The following SPINK8 variants were observed in gnomAD, a reference collection of about 807,000 sequenced individuals.
SPINK8 encodes serine protease inhibitor Kazal-type 8.
In SPINK8, 12 loss-of-function variants were observed where a neutral mutation model predicts 14.4. That is an observed-to-expected ratio of 0.83 (90% CI 0.53 to 1.35). SPINK8 has a LOEUF of 1.35. SPINK8 is among the 40% of genes most tolerant of loss of function. The pLI, the probability that SPINK8 is intolerant of heterozygous loss-of-function variation, is 0.00. For missense variants in SPINK8, 103 were observed against 117.0 expected, an observed-to-expected ratio of 0.88 and a Z score of 0.55; for synonymous variants, 32 against 37.6, an observed-to-expected ratio of 0.85 and a Z score of 0.55.
chr3:48,326,346 G>A (rs1256056217), intron 4 of SPINK8, among the ~76,000 whole-genome samples: 1 of 152,150 alleles, frequency 6.6e-6, no homozygotes, highest in Non-Finnish European at 1.5e-5. Context: ...GGTGGCTCAC[G>A]CCTGTAATCC....
chr3:48,319,730 G>A, intron 5 of SPINK8, 112 bp from the exon 6 acceptor site: 4 of 1,451,650 alleles, frequency 2.8e-6, no homozygotes, highest in South Asian at 2.7e-5. Context: ...CAGGAGTTCA[G>A]AGAAAAGGAT....
chr3:48,306,881 G>A lies in SPINK8; in HGVS notation c.*111C>T, dbSNP rs1174805854. On this transcript the variant is annotated 3_prime_UTR_variant, in exon 8 of 8. Transcript: ENST00000434006. ...TCATTTATTGAAGACATAAATCAAC[G>A]AGTTTGATCCAACCATTAGTAATTA... The A allele has an allele frequency of 9.3e-6, 10 of 1,078,024 alleles. No individual in the cohort carries two copies. The highest frequency in any genetic ancestry group is 3.2e-5 in the African/African-American group (2 of 63,182). 66.8% of individuals were successfully genotyped at this position (1,078,024 alleles called of 1,614,324 possible). A position where few individuals can be genotyped will look rare whatever the true frequency, so the allele number is the denominator to read the frequency against.
chr3:48,330,254 C>T (rs1428848945), intron 2 of SPINK8, among the ~76,000 whole-genome samples: 6 of 152,164 alleles, frequency 3.9e-5, no homozygotes, highest in African/African-American at 9.7e-5. Flanking sequence ...TACTGTGGCT[C>T]AAGCCTGTAA....
Position 48,321,071 on chromosome 3 carries a change from A to T in SPINK8, c.71T>A (p.Phe24Tyr). The change falls in exon 5 of 8, where the codon TTC (phenylalanine) becomes TAC (tyrosine). Residue 24 changes from phenylalanine to tyrosine, a missense_variant. Physicochemically the swap from Phe to Tyr is conservative, Grantham distance 22 (BLOSUM62 3). Transcript: ENST00000434006. ...TSMWMAFAID[F>Y]PLPMASERGQ... is the part of the protein sequence containing the mutation. ...TCTTTCAGAGGCCATAGGAAGGGGG[A>T]AGTCTGGAAGACAAAAGCACATACA... 3 of 1,579,958 alleles carry T rather than the reference A, an allele frequency of 1.9e-6. No individual in the cohort carries two copies. Among genetic ancestry groups the T allele is most frequent in the Non-Finnish European group, 2.6e-6 (3 of 1,161,510 alleles).
At chr3:48,332,763 C>T (rs2036282945) in intron 1 of SPINK8, among the ~76,000 whole-genome samples, 1 of 152,204 alleles carries the variant, frequency 6.6e-6, no homozygotes, top group African/African-American at 2.4e-5. Flanking sequence ...CTAGCAGTAA[C>T]ATTATGTCTC....
chr3:48,322,689 T>A (rs1473529591), intron 4 of SPINK8, among the ~76,000 whole-genome samples: 1 of 152,160 alleles, frequency 6.6e-6, no homozygotes, highest in East Asian at 1.9e-4. Context: ...ATAAATGGAG[T>A]CATGCAACGA....
chr3:48,316,848 T>C (rs879453361), intron 6 of SPINK8, among the ~76,000 whole-genome samples: 5 of 152,142 alleles, frequency 3.3e-5, no homozygotes, highest in Non-Finnish European at 7.3e-5. Context: ...CCCACCAAAC[T>C]ATTCTTCAGA....
intron 3 of SPINK8, among the ~76,000 whole-genome samples, chr3:48,328,940 C>T (rs2036181045): frequency 6.6e-6 from 1 of 152,196 alleles, no homozygotes. Flanking sequence ...AGTATATTTA[C>T]CAACAGCTTA....
At chr3:48,327,506 G>C (rs1194646240) in intron 4 of SPINK8, among the ~76,000 whole-genome samples, 4 of 152,190 alleles carry the variant, frequency 2.6e-5, no homozygotes, top group African/African-American at 9.7e-5. Flanking sequence ...ATGAGACTCA[G>C]CCAGAAGGGA....
chr3:48,311,614 TA>T (rs1268032917), intron 6 of SPINK8, among the ~76,000 whole-genome samples: 2 of 152,000 alleles, frequency 1.3e-5, no homozygotes, highest in African/African-American at 4.8e-5. Flanking sequence ...AATTTCAAAA[TA>T]AAATTAAGAA....
At chr3:48,326,575 C>T (rs1490859272) in intron 4 of SPINK8, among the ~76,000 whole-genome samples, 4 of 151,036 alleles carry the variant, frequency 2.6e-5, no homozygotes, top group Non-Finnish European at 1.5e-5. Context: ...CCACTGCACT[C>T]CATCCTGGGT....
intron 6 of SPINK8, among the ~76,000 whole-genome samples, chr3:48,318,353 C>G (rs567210131): frequency 4.0e-4 from 61 of 152,306 alleles, no homozygotes; most frequent in African/African-American, 1.4e-3. Context: ...ATTGGCCAGG[C>G]TGGTCTCGAA....
At chr3:48,319,443 G>A (rs1416186781) in intron 6 of SPINK8, 54 bp downstream of exon 6, 1 of 1,607,030 alleles carries the variant, frequency 6.2e-7, no homozygotes, top group East Asian at 2.2e-5. Context: ...ACCCTCTTTT[G>A]ACCACTCTTA....
intron 4 of SPINK8, among the ~76,000 whole-genome samples, chr3:48,327,510 G>T (rs1024726366): frequency 1.4e-4 from 22 of 152,212 alleles, no homozygotes; most frequent in Admixed American, 1.4e-3. Context: ...GACTCAGCCA[G>T]AAGGGAACAC....
intron 7 of SPINK8, among the ~76,000 whole-genome samples, chr3:48,308,293 C>T (rs972790872): frequency 6.6e-6 from 1 of 152,058 alleles, no homozygotes; most frequent in African/African-American, 2.4e-5. Context: ...TTCTTAATCT[C>T]TGCAAATCCT....
chr3:48,320,897 T>G, intron 5 of SPINK8, 128 bp downstream of exon 5: 2 of 860,222 alleles, frequency 2.3e-6, no homozygotes, highest in Non-Finnish European at 3.5e-6. Context: ...TGACTCAGCT[T>G]TTATTGTTCT....
Position 48,314,490 on chromosome 3 carries a change from C to G in SPINK8, c.240-4544G>C, listed in dbSNP as rs185099197. Among the ~76,000 whole-genome samples, 16 of 152,224 alleles carry G rather than the reference C, an allele frequency of 1.1e-4. No homozygotes were observed. In the East Asian group the frequency reaches 1.4e-3, roughly 13 times the overall value. ...TTCCATGGTAGTAATGAAAAACAAC[C>G]ACCCACAATCATAGTGAAAACCAGC... On this transcript the variant is annotated intron_variant, in intron 6 of 7. Coordinates refer to ENST00000434006, the MANE Select transcript of SPINK8 (RefSeq NM_001080525.3).
chr3:48,330,831 C>T (rs1032809709), intron 2 of SPINK8, among the ~76,000 whole-genome samples: 15 of 151,074 alleles, frequency 9.9e-5, no homozygotes, highest in African/African-American at 2.7e-4. Context: ...CCTAAGAAAT[C>T]CAGCTAGTCC....
intron 6 of SPINK8, among the ~76,000 whole-genome samples, chr3:48,314,592 T>C (rs1315028898): frequency 6.6e-6 from 1 of 152,168 alleles, no homozygotes; most frequent in Non-Finnish European, 1.5e-5. Flanking sequence ...TTGTCATTAT[T>C]TGACCTGTCT....
Sources: allele counts gnomAD v4.1 joint callset (sites outside exome capture counted in the v4.1 genomes callset), GRCh38; gene constraint gnomAD v4.1.1; transcripts MANE v1.5; gene names NCBI Gene and HGNC (gene_info 2026-07-23, HGNC 2026-07-21).